The following SPATA13 variants were observed in gnomAD, a reference collection of about 807,000 sequenced individuals.
SPATA13 encodes the protein spermatogenesis-associated protein 13.
SPATA13 carries 50 observed loss-of-function variants against 104.0 expected under a neutral mutation model. That is an observed-to-expected ratio of 0.48 (90% CI 0.38 to 0.61). SPATA13 has a LOEUF of 0.61. Ranked by LOEUF, SPATA13 falls within the 20% of genes least tolerant of loss-of-function variation. SPATA13 has a pLI of 0.00. For missense variants in SPATA13, 1,524 were observed against 1,690.6 expected (o/e 0.90, Z 1.73); for synonymous variants, 606 against 667.5 (o/e 0.91, Z 1.42).
intron 1 of SPATA13, among the ~76,000 whole-genome samples, chr13:24,186,875 A>G (rs888392400): frequency 6.6e-6 from 1 of 152,168 alleles, no homozygotes; most frequent in African/African-American, 2.4e-5. Context: ...TGAAATTCCA[A>G]TTGGTGAATT....
chr13:23,997,557 T>C (rs61945307), intron 2 of SPATA13, among the ~76,000 whole-genome samples: 116,727 of 151,894 alleles, frequency 0.77, 45,058 homozygotes, highest in African/African-American at 0.81. Flanking sequence ...TTTGCATTGC[T>C]ATAGAGAAAT....
intron 4 of SPATA13, among the ~76,000 whole-genome samples, chr13:24,261,495 T>C (rs973427392): frequency 1.3e-5 from 2 of 152,130 alleles, no homozygotes; most frequent in Non-Finnish European, 2.9e-5. Flanking sequence ...ATCAGCAAAG[T>C]GGTTCTTAAA....
At chr13:24,078,088 C>T (rs940482690) in intron 3 of SPATA13, among the ~76,000 whole-genome samples, 1 of 152,160 alleles carries the variant, frequency 6.6e-6, no homozygotes, top group Non-Finnish European at 1.5e-5. Flanking sequence ...TTGATGCCTG[C>T]TCTCCTCCTG....
chr13:24,162,095 C>A (rs1247065634), intron 1 of SPATA13, among the ~76,000 whole-genome samples: 1 of 152,180 alleles, frequency 6.6e-6, no homozygotes, highest in East Asian at 1.9e-4. Context: ...CTGTTCTCTG[C>A]CCTCCTCCCG....
chr13:24,045,393 G>T (rs909129184), intron 3 of SPATA13, among the ~76,000 whole-genome samples: 1 of 152,066 alleles, frequency 6.6e-6, no homozygotes, highest in Non-Finnish European at 1.5e-5. Context: ...CAAAGTTTTT[G>T]GAAACAGGCA....
intron 4 of SPATA13, among the ~76,000 whole-genome samples, chr13:24,274,502 T>A (rs540952144): frequency 5.9e-5 from 9 of 152,340 alleles, no homozygotes; most frequent in South Asian, 2.1e-4. Flanking sequence ...GTGCATCATG[T>A]TTTGACGTTG....
intron 3 of SPATA13, among the ~76,000 whole-genome samples, chr13:24,082,510 A>G (rs1263187625): frequency 2.0e-5 from 3 of 152,194 alleles, no homozygotes; most frequent in African/African-American, 7.2e-5. Context: ...TCTATACTCA[A>G]CTACAGCCAA....
intron 1 of SPATA13, among the ~76,000 whole-genome samples, chr13:24,211,368 G>A (rs1871003965): frequency 6.6e-6 from 1 of 152,130 alleles, no homozygotes; most frequent in South Asian, 2.1e-4. Flanking sequence ...TTGCACTATT[G>A]GGTATGATAT....
At chr13:24,083,861 A>G (rs1879627492) in intron 3 of SPATA13, among the ~76,000 whole-genome samples, 1 of 151,762 alleles carries the variant, frequency 6.6e-6, no homozygotes, top group Non-Finnish European at 1.5e-5. Flanking sequence ...TCACTGGGGG[A>G]AAAAACCCCC....
Position 24,241,236 on chromosome 13 carries a change from A to C in SPATA13, c.1654-8241A>C, listed in dbSNP as rs115573940. Among the ~76,000 whole-genome samples the C allele has an allele frequency of 4.9e-3, 749 of 152,358 alleles. 3 individuals carry two copies. The highest frequency in any genetic ancestry group is 0.017 in the African/African-American group (727 of 41,578). On this transcript the variant is annotated intron_variant, in intron 2 of 12. Coordinates refer to ENST00000382108, the MANE Select transcript of SPATA13 (RefSeq NM_001166271.3). ...CTACAAGCCATAGAAAGAGTAACCC[A>C]GTAAATGATGTTTCTACTTCCAGTA...
intron 3 of SPATA13, chr13:24,123,662 C>T: frequency 6.3e-7 from 1 of 1,595,386 alleles, no homozygotes; most frequent in Non-Finnish European, 8.6e-7. Context: ...ACACATCAAA[C>T]TTCATGCATA....
chr13:24,188,344 TA>T (rs34253672), intron 1 of SPATA13, among the ~76,000 whole-genome samples: 122,137 of 149,894 alleles, frequency 0.81, 50,771 homozygotes, highest in Non-Finnish European at 0.91. Context: ...AAAAAAATAA[TA>T]AAAAAAAAAA....
At chr13:24,013,126 A>G (rs1876552848) in intron 2 of SPATA13, among the ~76,000 whole-genome samples, 1 of 152,228 alleles carries the variant, frequency 6.6e-6, no homozygotes, top group Non-Finnish European at 1.5e-5. Context: ...CAACCTGTGC[A>G]GACATGGAAA....
At chr13:24,034,421 A>G (rs915188810) in intron 3 of SPATA13, 1 of 152,218 alleles carries the variant, frequency 6.6e-6, no homozygotes, top group Non-Finnish European at 1.5e-5. Flanking sequence ...CAAAATGCTT[A>G]CTTCAGGGTC....
rs192706905 is a variant in SPATA13, at chr13:24,121,244, G to A, written c.-111-101575G>A. 8.6e-3 allele frequency among the ~76,000 whole-genome samples: 1,316 copies of A among 152,282 alleles called. 15 individuals carry two copies. Among genetic ancestry groups the A allele is most frequent in the African/African-American group, 0.03 (1,248 of 41,550 alleles). ...GGGAGCTGTCATTTTTAGCAGCAAT[G>A]AAATACCACTAAACCCTTTTTACAT... On this transcript the variant is annotated intron_variant, in intron 3 of 14. Transcript: ENST00000424834.
At chr13:24,239,693 T>TTAAAAAAAAA (rs1280564999) in intron 2 of SPATA13, among the ~76,000 whole-genome samples, 1 of 46,942 alleles carries the variant, frequency 2.1e-5, no homozygotes, top group Non-Finnish European at 3.8e-5. Context: ...AGACCATATC[T>TTAAAAAAAAA]AAAAAAAAAA....
intron 3 of SPATA13, among the ~76,000 whole-genome samples, chr13:24,072,010 A>G (rs999461260): frequency 1.3e-5 from 2 of 152,178 alleles, no homozygotes; most frequent in Non-Finnish European, 2.9e-5. Context: ...TAATAATTCA[A>G]TCCATATGCC....
chr13:24,120,573 A>G (rs9553187), intron 3 of SPATA13, among the ~76,000 whole-genome samples: 29,105 of 152,016 alleles, frequency 0.19, 4,542 homozygotes, highest in African/African-American at 0.41. Flanking sequence ...GTGAGCCACT[A>G]TACCACCCTC....
intron 2 of SPATA13, among the ~76,000 whole-genome samples, chr13:24,243,944 A>C (rs1388507686): frequency 2.0e-5 from 3 of 152,242 alleles, no homozygotes; most frequent in African/African-American, 7.2e-5. Flanking sequence ...TTGCTGTAAC[A>C]AATCACCACA....
Sources: gnomAD v4.1 joint callset for allele counts (sites outside exome capture counted in the v4.1 genomes callset) on GRCh38, gnomAD v4.1.1 for gene constraint, MANE v1.5 for transcripts, NCBI Gene and HGNC (gene_info 2026-07-23, HGNC 2026-07-21) for gene names.